NDUFAF2: variants seen among roughly 807,000 people sequenced by gnomAD.
NDUFAF2 encodes the protein NADH:ubiquinone oxidoreductase complex assembly factor 2.
A neutral mutation model predicts 22.8 loss-of-function variants in NDUFAF2; 13 were observed. The ratio of observed to expected loss-of-function variants is 0.57; its 90% CI spans 0.37 to 0.91. The LOEUF (loss-of-function observed/expected upper bound fraction) is 0.91, where lower values mean the gene tolerates loss of function less well. NDUFAF2 is among the 40% of genes least tolerant of loss of function. The pLI is 0.01. For synonymous variants in NDUFAF2, 53 were observed against 64.2 expected (o/e 0.83, Z 0.84); for missense variants, 162 against 195.2 (o/e 0.83, Z 1.01).
At chr5:61,045,042 A>G (rs1360351560) in intron 1 of NDUFAF2, among the ~76,000 whole-genome samples, 1 of 147,578 alleles carries the variant, frequency 6.8e-6, no homozygotes, top group African/African-American at 2.4e-5. Context: ...TAATTTAATT[A>G]ACATTTTAAT....
At chr5:60,986,875 T>C (rs1408295540) in intron 1 of NDUFAF2, among the ~76,000 whole-genome samples, 1 of 147,692 alleles carries the variant, frequency 6.8e-6, no homozygotes, top group Non-Finnish European at 1.5e-5. Context: ...GAGGTTGCAG[T>C]GAGCTGAGAT....
chr5:60,965,309 A>G (rs993174682), intron 1 of NDUFAF2, among the ~76,000 whole-genome samples: 3 of 152,198 alleles, frequency 2.0e-5, no homozygotes, highest in African/African-American at 7.2e-5. Flanking sequence ...TCATATATGT[A>G]TACATTGTGA....
chr5:60,973,006 C>A (rs1408909641), intron 1 of NDUFAF2, among the ~76,000 whole-genome samples: 1 of 151,752 alleles, frequency 6.6e-6, no homozygotes, highest in South Asian at 2.1e-4. Context: ...TTTCTTTCTC[C>A]TTTTAACTTT....
intron 2 of NDUFAF2, among the ~76,000 whole-genome samples, chr5:61,087,179 T>C (rs1445926341): frequency 2.0e-5 from 3 of 152,074 alleles, no homozygotes; most frequent in African/African-American, 7.2e-5. Flanking sequence ...CTGTACTCTC[T>C]CCCTGAGCAT....
intron 1 of NDUFAF2, among the ~76,000 whole-genome samples, chr5:61,005,762 T>C (rs1475862898): frequency 3.3e-5 from 5 of 152,210 alleles, no homozygotes; most frequent in Non-Finnish European, 7.3e-5. Flanking sequence ...TCTGTTCATA[T>C]CGTTTGCCCA....
intron 1 of NDUFAF2, among the ~76,000 whole-genome samples, chr5:61,051,712 A>G (rs1177152634): frequency 2.0e-5 from 3 of 152,160 alleles, no homozygotes; most frequent in Non-Finnish European, 4.4e-5. Context: ...CAATAAAACT[A>G]TTATAAGATC....
chr5:61,079,435 C>T (rs747984656), intron 2 of NDUFAF2, among the ~76,000 whole-genome samples: 1 of 152,142 alleles, frequency 6.6e-6, no homozygotes, highest in Non-Finnish European at 1.5e-5. Context: ...TCCTATTTTT[C>T]ATCTATAAAA....
intron 1 of NDUFAF2, among the ~76,000 whole-genome samples, chr5:60,984,722 C>G (rs1439199126): frequency 6.6e-6 from 1 of 152,130 alleles, no homozygotes; most frequent in Non-Finnish European, 1.5e-5. Flanking sequence ...GTTGAACCAG[C>G]CTTGCATCCC....
At chr5:61,038,337 C>A (rs1349140654) in intron 1 of NDUFAF2, among the ~76,000 whole-genome samples, 1 of 152,090 alleles carries the variant, frequency 6.6e-6, no homozygotes, top group African/African-American at 2.4e-5. Flanking sequence ...AATAATTGTG[C>A]ATTATTACCC....
chr5:61,109,531 T>A (rs1752809083), intron 3 of NDUFAF2, among the ~76,000 whole-genome samples: 1 of 152,206 alleles, frequency 6.6e-6, no homozygotes, highest in Admixed American at 6.6e-5. Flanking sequence ...ATGTTTTAGA[T>A]CTTAGAAGAA....
chr5:60,992,551 G>A (rs75048490), intron 1 of NDUFAF2, among the ~76,000 whole-genome samples: 1,555 of 151,866 alleles, frequency 0.01, 26 homozygotes, highest in African/African-American at 0.034. Flanking sequence ...TTCATTTATC[G>A]TTTTGTCTTT....
chr5:60,957,450 G>A (rs1001451917), intron 1 of NDUFAF2, among the ~76,000 whole-genome samples: 1 of 151,142 alleles, frequency 6.6e-6, no homozygotes, highest in Non-Finnish European at 1.5e-5. Flanking sequence ...ACATTTTCTT[G>A]GTTATCGTAT....
chr5:60,958,200 A>C (rs575608549), intron 1 of NDUFAF2, among the ~76,000 whole-genome samples: 1 of 152,272 alleles, frequency 6.6e-6, no homozygotes, highest in Admixed American at 6.5e-5. Flanking sequence ...CTCTAAGCAA[A>C]ACATCTGTTT....
intron 1 of NDUFAF2, among the ~76,000 whole-genome samples, chr5:60,958,844 A>C (rs1363997371): frequency 6.6e-6 from 1 of 152,112 alleles, no homozygotes; most frequent in Non-Finnish European, 1.5e-5. Context: ...CTCATTAGAA[A>C]TAGGAGTATC....
In NDUFAF2 at chr5:60,960,991, A is replaced by G. The variant is rs372406804; in HGVS notation, c.127+15609A>G. Among the ~76,000 whole-genome samples the G allele has an allele frequency of 8.5e-5, 13 of 152,292 alleles. No homozygotes were observed. The East Asian group carries it at 1.5e-3, about 18-fold the overall frequency. ...GGACAGAAAGTGCTCAAAAGGGACC[A>G]CCTAAAGCAACCTGTTCAAGGATGA... On this transcript the variant is annotated intron_variant, in intron 1 of 3. Coordinates refer to ENST00000296597, the MANE Select transcript of NDUFAF2 (RefSeq NM_174889.5).
chr5:60,971,290 T>C (rs529686917), intron 1 of NDUFAF2, among the ~76,000 whole-genome samples: 24 of 150,850 alleles, frequency 1.6e-4, no homozygotes, highest in Non-Finnish European at 2.4e-4. Context: ...TTCTTTCTTT[T>C]TTTTTTTTCT....
intron 3 of NDUFAF2, among the ~76,000 whole-genome samples, chr5:61,134,894 A>C (rs1489617895): frequency 1.3e-5 from 2 of 152,106 alleles, no homozygotes; most frequent in Non-Finnish European, 2.9e-5. Context: ...TACTCTTCTT[A>C]CTATCATTCC....
chr5:61,060,971 A>AGT (rs1752158375), intron 1 of NDUFAF2, among the ~76,000 whole-genome samples: 1 of 152,112 alleles, frequency 6.6e-6, no homozygotes, highest in Non-Finnish European at 1.5e-5. Context: ...GGAAAGGAAT[A>AGT]GTGGCTCAGG....
intron 1 of NDUFAF2, among the ~76,000 whole-genome samples, chr5:60,971,535 C>A (rs1163434099): frequency 1.3e-5 from 2 of 152,064 alleles, no homozygotes; most frequent in Non-Finnish European, 2.9e-5. Flanking sequence ...GATCCGCCCG[C>A]CTCGGCCTCC....
Sources: allele counts gnomAD v4.1 joint callset (sites outside exome capture counted in the v4.1 genomes callset), GRCh38; gene constraint gnomAD v4.1.1; transcripts MANE v1.5; gene names NCBI Gene and HGNC (gene_info 2026-07-23, HGNC 2026-07-21).